The following GLRA3 variants were observed in gnomAD, a reference collection of about 807,000 sequenced individuals.
GLRA3 encodes glycine receptor subunit alpha-3.
In GLRA3, 44 loss-of-function variants were observed where a neutral mutation model predicts 60.4. That is an observed-to-expected ratio of 0.73 (90% CI 0.57 to 0.94). GLRA3 has a LOEUF of 0.94. GLRA3 is among the 40% of genes least tolerant of loss of function. GLRA3 has a pLI of 0.00. For missense variants in GLRA3, 508 were observed against 564.6 expected, an observed-to-expected ratio of 0.90 and a Z score of 1.02; for synonymous variants, 223 against 192.9, an observed-to-expected ratio of 1.16 and a Z score of -1.29.
intron 9 of GLRA3, 126 bp downstream of exon 9, chr4:174,656,617 G>T: frequency 1.9e-6 from 1 of 530,722 alleles, no homozygotes; most frequent in Non-Finnish European, 3.5e-6. Flanking sequence ...GATGATATTT[G>T]CTCAGCTTTC....
intron 4 of GLRA3, among the ~76,000 whole-genome samples, chr4:174,719,276 C>CT (rs1736052063): frequency 6.6e-6 from 1 of 152,034 alleles, no homozygotes; most frequent in South Asian, 2.1e-4. Context: ...TGCTTTTAAC[C>CT]TTTAAGTATA....
intron 2 of GLRA3, among the ~76,000 whole-genome samples, chr4:174,776,037 G>A (rs6553826): frequency 0.29 from 43,969 of 152,010 alleles, 6,809 homozygotes; most frequent in Non-Finnish European, 0.35. Flanking sequence ...GGACCCCAGG[G>A]ATAGGGCCTG....
chr4:174,662,610 T>C (rs1733494937), intron 7 of GLRA3, among the ~76,000 whole-genome samples: 2 of 152,136 alleles, frequency 1.3e-5, no homozygotes, highest in Non-Finnish European at 1.5e-5. Flanking sequence ...CAGATTTAGA[T>C]AGTAGTTTTA....
At chr4:174,670,640 G>C (rs1014026820) in intron 7 of GLRA3, among the ~76,000 whole-genome samples, 2 of 152,058 alleles carry the variant, frequency 1.3e-5, no homozygotes, top group African/African-American at 4.8e-5. Flanking sequence ...ACTTTCCCTA[G>C]TTCTATCAGA....
At chr4:174,745,389 CA>C (rs1464850071) in intron 3 of GLRA3, among the ~76,000 whole-genome samples, 5 of 152,058 alleles carry the variant, frequency 3.3e-5, no homozygotes, top group Admixed American at 6.5e-5. Flanking sequence ...CTAAAAACAG[CA>C]AGAGAAAAGC....
chr4:174,784,773 T>C (rs1178717124), intron 2 of GLRA3, among the ~76,000 whole-genome samples: 10 of 152,166 alleles, frequency 6.6e-5, no homozygotes, highest in Non-Finnish European at 1.3e-4. Context: ...TTTTAAATAA[T>C]AGTTTTTAAA....
intron 1 of GLRA3, among the ~76,000 whole-genome samples, chr4:174,801,766 A>T (rs914996751): frequency 2.0e-5 from 3 of 152,046 alleles, no homozygotes; most frequent in Non-Finnish European, 4.4e-5. Context: ...TATGATCCAG[A>T]TTTAAGCATA....
chr4:174,675,942 C>A (rs1416209804), intron 7 of GLRA3, among the ~76,000 whole-genome samples: 1 of 151,976 alleles, frequency 6.6e-6, no homozygotes, highest in East Asian at 1.9e-4. Flanking sequence ...TTATAATTTA[C>A]TTGGTGTAGC....
chr4:174,735,333 C>T (rs1471569920), intron 3 of GLRA3, among the ~76,000 whole-genome samples: 1 of 152,160 alleles, frequency 6.6e-6, no homozygotes, highest in Non-Finnish European at 1.5e-5. Flanking sequence ...TTGTGTCAAA[C>T]CCACTAGGAA....
chr4:174,786,860 T>C (rs2111298226), intron 2 of GLRA3, among the ~76,000 whole-genome samples: 1 of 152,276 alleles, frequency 6.6e-6, no homozygotes, highest in Non-Finnish European at 1.5e-5. Context: ...TCTTCCTTTT[T>C]CTTTTTCTTC....
At chr4:174,788,999 T>G in intron 1 of GLRA3, 56 bp from the exon 2 acceptor site, 1 of 1,142,808 alleles carries the variant, frequency 8.8e-7, no homozygotes, top group Non-Finnish European at 1.2e-6. Context: ...CTAATAATTG[T>G]TACCTACAAA....
In GLRA3 at chr4:174,656,807, AC is replaced by A; in HGVS notation, c.1072-21del. ...TTCTGTCTGTGGGAAGGTAAAGTGGACCAAGAGGAATTGAGAAACCAGAGAA... is the reference window on the plus strand; with the variant it reads ...TTCTGTCTGTGGGAAGGTAAAGTGGACAAGAGGAATTGAGAAACCAGAGAA... On this transcript the variant is annotated intron_variant, in intron 8 of 9. Coordinates refer to ENST00000274093, the MANE Select transcript of GLRA3 (RefSeq NM_006529.4). 1 of 1,494,784 alleles carries A rather than the reference AC, an allele frequency of 6.7e-7. No homozygotes were observed. Among genetic ancestry groups the A allele is most frequent in the Non-Finnish European group, 9.3e-7 (1 of 1,071,696 alleles). 92.6% of individuals were successfully genotyped at this position (1,494,784 alleles called of 1,614,324 possible).
At chr4:174,684,048 T>C (rs1200066800) in intron 5 of GLRA3, among the ~76,000 whole-genome samples, 1 of 152,086 alleles carries the variant, frequency 6.6e-6, no homozygotes, top group South Asian at 2.1e-4. Flanking sequence ...CATGGAAAAA[T>C]TTCAACTCCT....
chr4:174,765,615 T>A (rs543041195), intron 3 of GLRA3, among the ~76,000 whole-genome samples: 11 of 152,008 alleles, frequency 7.2e-5, no homozygotes, highest in African/African-American at 2.7e-4. Flanking sequence ...TATGTACAAA[T>A]GTTGGGTATA....
chr4:174,698,805 T>A (rs1460041846), intron 5 of GLRA3, among the ~76,000 whole-genome samples: 1 of 152,118 alleles, frequency 6.6e-6, no homozygotes, highest in East Asian at 1.9e-4. Flanking sequence ...ATTGAAGTAC[T>A]TGAGAGAGGT....
chr4:174,674,250 C>G (rs1257608006), intron 7 of GLRA3, among the ~76,000 whole-genome samples: 1 of 152,156 alleles, frequency 6.6e-6, no homozygotes, highest in Non-Finnish European at 1.5e-5. Flanking sequence ...GCCCCATGAT[C>G]ATTACCATCT....
chr4:174,815,963 G>A (rs1740483761), intron 1 of GLRA3, among the ~76,000 whole-genome samples: 2 of 152,068 alleles, frequency 1.3e-5, no homozygotes, highest in South Asian at 4.1e-4. Flanking sequence ...GCATCATCAG[G>A]CTACAAATTT....
chr4:174,786,177 A>G (rs1739122975), intron 2 of GLRA3, among the ~76,000 whole-genome samples: 2 of 152,124 alleles, frequency 1.3e-5, no homozygotes, highest in Non-Finnish European at 2.9e-5. Context: ...ACAATTGGAT[A>G]GGAAAGCATA....
At chr4:174,719,957 AT>A (rs1434017902) in intron 4 of GLRA3, among the ~76,000 whole-genome samples, 5 of 140,418 alleles carry the variant, frequency 3.6e-5, no homozygotes, top group African/African-American at 1.3e-4. Context: ...AAAAATACAT[AT>A]TCTCATACAA....
Sources: gnomAD v4.1 joint callset for allele counts (sites outside exome capture counted in the v4.1 genomes callset) on GRCh38, gnomAD v4.1.1 for gene constraint, MANE v1.5 for transcripts, NCBI Gene and HGNC (gene_info 2026-07-23, HGNC 2026-07-21) for gene names.